SLC25A16: variants seen among roughly 807,000 people sequenced by gnomAD.
SLC25A16 encodes the protein mitochondrial coenzyme A transporter SLC25A16.
SLC25A16 carries 39 observed loss-of-function variants against 41.5 expected under a neutral mutation model. That is an observed-to-expected ratio of 0.94 (90% CI 0.73 to 1.23). The LOEUF is 1.23. SLC25A16 is among the 50% of genes most tolerant of loss of function. The pLI is 0.00. For missense variants in SLC25A16, 421 were observed against 426.9 expected (o/e 0.99, Z 0.12); for synonymous variants, 146 against 147.8 (o/e 0.99, Z 0.09).
intron 8 of SLC25A16, among the ~76,000 whole-genome samples, chr10:68,486,154 G>T (rs1170917383): frequency 6.7e-6 from 1 of 148,418 alleles, no homozygotes; most frequent in Admixed American, 6.7e-5. Flanking sequence ...GAAGGGGGAG[G>T]TTGCAGTGAG....
chr10:68,520,078 G>GT (rs2053226123), intron 1 of SLC25A16, among the ~76,000 whole-genome samples: 1 of 149,676 alleles, frequency 6.7e-6, no homozygotes, highest in Non-Finnish European at 1.5e-5. Context: ...AGCCTCCCGA[G>GT]TAGGTGGGAT....
chr10:68,524,607 G>A (rs1327796854), intron 1 of SLC25A16, among the ~76,000 whole-genome samples: 2 of 150,728 alleles, frequency 1.3e-5, no homozygotes, highest in Non-Finnish European at 1.5e-5. Flanking sequence ...TACTCGGGAG[G>A]TTGAGGCAGG....
chr10:68,496,790 C>T (rs1341058576), intron 4 of SLC25A16: 1 of 687,248 alleles, frequency 1.5e-6, no homozygotes, highest in African/African-American at 2.0e-5. Context: ...TATTGTGTTC[C>T]AGAAATAAAC....
chr10:68,518,490 T>C (rs967399237), intron 1 of SLC25A16, among the ~76,000 whole-genome samples: 2 of 151,040 alleles, frequency 1.3e-5, no homozygotes, highest in African/African-American at 2.4e-5. Context: ...CAAAAATAAA[T>C]TGTGGCTGGG....
At chr10:68,507,173 A>T (rs533714682) in intron 2 of SLC25A16, among the ~76,000 whole-genome samples, 2 of 149,790 alleles carry the variant, frequency 1.3e-5, no homozygotes, top group Admixed American at 1.4e-4. Flanking sequence ...CCCAGGTTCA[A>T]ATGATTCTCC....
rs112382771 is a variant in SLC25A16 at position 68,515,723 on chromosome 10, G to C, written c.223+1028C>G. 3.7e-3 allele frequency among the ~76,000 whole-genome samples: 556 copies of C among 151,914 alleles called. 2 individuals are homozygous for C. The highest frequency in any genetic ancestry group is 0.013 in the African/African-American group (529 of 41,470). On this transcript the variant is annotated intron_variant, in intron 2 of 8. Coordinates refer to ENST00000609923, the MANE Select transcript of SLC25A16 (RefSeq NM_152707.4). Reference sequence around the variant, plus strand: ...TGAGGCAGGAGAATCGCTTGAACCTGGGAGGCAGAGGTTGCAGTGAGCCGA... The same window carrying C: ...TGAGGCAGGAGAATCGCTTGAACCTCGGAGGCAGAGGTTGCAGTGAGCCGA...
intron 5 of SLC25A16, 111 bp from the exon 6 acceptor site, chr10:68,493,309 AAC>A (rs2052692836): frequency 8.8e-7 from 1 of 1,131,186 alleles, no homozygotes; most frequent in Admixed American, 2.1e-5. Context: ...TCCACCCTGA[AAC>A]ACAAAGATGT....
chr10:68,516,656 A>G, intron 2 of SLC25A16, 95 bp downstream of exon 2: 3 of 784,528 alleles, frequency 3.8e-6, no homozygotes, highest in Non-Finnish European at 4.0e-6. Context: ...AGGAACCTCT[A>G]CTTTACTTTT....
chr10:68,487,748 G>A (rs2052587839), intron 7 of SLC25A16, among the ~76,000 whole-genome samples: 1 of 152,194 alleles, frequency 6.6e-6, no homozygotes, highest in Admixed American at 6.5e-5. Flanking sequence ...CTAATGCTAT[G>A]CAGCAAGTCC....
Position 68,478,706 on chromosome 10 carries a change from A to C in SLC25A16, c.*4726T>G, listed in dbSNP as rs1370465601. 6.7e-6 allele frequency: 1 copy of C among 150,020 alleles called. No individual in the cohort carries two copies. Among genetic ancestry groups the C allele is most frequent in the Non-Finnish European group, 1.5e-5 (1 of 67,578 alleles). 9.3% of individuals were successfully genotyped at this position (150,020 alleles called of 1,614,324 possible). A position where few individuals can be genotyped will look rare whatever the true frequency, so the allele number is the denominator to read the frequency against. On this transcript the variant is annotated 3_prime_UTR_variant, in exon 9 of 9. Coordinates refer to ENST00000609923, the MANE Select transcript of SLC25A16 (RefSeq NM_152707.4). ...AAAAACTATTTATAAGTTTTATTTT[A>C]TATATATATATGATATGTATACATA...
At chr10:68,502,870 A>G (rs1255570707) in intron 4 of SLC25A16, among the ~76,000 whole-genome samples, 1 of 18,502 alleles carries the variant, frequency 5.4e-5, no homozygotes, top group Non-Finnish European at 9.0e-5. Flanking sequence ...AAGGAGGGGG[A>G]GGGGAGGGGA....
chr10:68,493,159 T>C lies in SLC25A16; in HGVS notation c.583A>G (p.Thr195Ala). The change falls in exon 6 of 9, where the codon ACT (threonine) becomes GCT (alanine). Residue 195 changes from threonine (T) to alanine (A), a missense_variant. Physicochemically the swap from Thr to Ala is moderately conservative, Grantham distance 58 (BLOSUM62 0). Coordinates refer to ENST00000609923, the MANE Select transcript of SLC25A16 (RefSeq NM_152707.4). ...GCATATGGAGCCATTCCTAAAATAG[T>C]AGGCATCAGACCTCTGTAAAATCCA... ...FFGFYRGLMPTILGMAPYAGV... is the reference protein window; with the variant it reads ...FFGFYRGLMPAILGMAPYAGV... 1 of 1,597,872 alleles carries C rather than the reference T, an allele frequency of 6.3e-7. No individual in the cohort carries two copies. Among genetic ancestry groups the C allele is most frequent in the Non-Finnish European group, 8.5e-7 (1 of 1,175,044 alleles).
At chr10:68,500,720 C>G (rs1377316475) in intron 4 of SLC25A16, among the ~76,000 whole-genome samples, 1 of 151,580 alleles carries the variant, frequency 6.6e-6, no homozygotes, top group Admixed American at 6.6e-5. Flanking sequence ...CACCTGAGGT[C>G]CGGAGTTTGA....
chr10:68,496,501 G>A, intron 4 of SLC25A16: 1 of 984,748 alleles, frequency 1.0e-6, no homozygotes, highest in Non-Finnish European at 1.2e-6. Context: ...ACAAATAGTA[G>A]AATATGTTTA....
chr10:68,488,567 G>A lies in SLC25A16; in HGVS notation c.673C>T (p.Leu225Phe). The change falls in exon 7 of 9, where the codon CTT (leucine) becomes TTT (phenylalanine). Residue 225 changes from leucine (L) to phenylalanine (F), a missense_variant. Physicochemically the swap from Leu to Phe is conservative, Grantham distance 22 (BLOSUM62 0). Transcript: ENST00000609923. Reference protein sequence around the residue: ...SVGLSHAPTLLGRPSSDNPNV... With the variant: ...SVGLSHAPTLFGRPSSDNPNV... The stretch of plus-strand genomic sequence containing the variant: ...GGATTGTCTGATGAAGGTCTGCCAA[G>A]AAGGGTAGGAGCATGGGAAAGCCCA... The A allele has an allele frequency of 6.2e-7, 1 of 1,606,714 alleles. No homozygotes were observed. The highest frequency in any genetic ancestry group is 8.5e-7 in the Non-Finnish European group (1 of 1,178,402).
At chr10:68,484,621 A>G (rs1213525228) in intron 8 of SLC25A16, among the ~76,000 whole-genome samples, 3 of 151,670 alleles carry the variant, frequency 2.0e-5, no homozygotes, top group Non-Finnish European at 4.4e-5. Flanking sequence ...TTTAGTTAAA[A>G]AAAATTTTTT....
At position 68,506,438 on chromosome 10, in the gene SLC25A16, G is replaced by A. The variant is rs964342108; in HGVS notation, c.357+147C>T. The A allele has an allele frequency of 1.8e-5, 10 of 548,046 alleles. No homozygotes were observed. The East Asian group carries it at 4.0e-4, about 22-fold the overall frequency. The allele number at this position is 548,046 out of a possible 1,614,324, so 33.9% of individuals were successfully genotyped here. ...ACCCCAGCCTGGGCAGCGAGACTCT[G>A]TCTCAAAAATTAAAAAAAAAAAACC... is the stretch of plus-strand genomic sequence containing the variant. On this transcript the variant is annotated intron_variant, in intron 3 of 8. Transcript: ENST00000609923.
chr10:68,488,999 G>T (rs1443249958), intron 6 of SLC25A16, among the ~76,000 whole-genome samples: 1 of 152,212 alleles, frequency 6.6e-6, no homozygotes, highest in African/African-American at 2.4e-5. Flanking sequence ...GCCGGGCGTG[G>T]TGGCTCACAC....
At chr10:68,509,878 G>C (rs1305213329) in intron 2 of SLC25A16, among the ~76,000 whole-genome samples, 2 of 151,674 alleles carry the variant, frequency 1.3e-5, no homozygotes, top group Non-Finnish European at 2.9e-5. Flanking sequence ...AGATCACGAA[G>C]TCAGGAGTTC....
Sources: gnomAD v4.1 joint callset for allele counts (sites outside exome capture counted in the v4.1 genomes callset) on GRCh38, gnomAD v4.1.1 for gene constraint, MANE v1.5 for transcripts, NCBI Gene and HGNC (gene_info 2026-07-23, HGNC 2026-07-21) for gene names.